The following KLHL8 variants were observed in gnomAD, a reference collection of about 807,000 sequenced individuals.
KLHL8 encodes the protein kelch-like protein 8.
Under a neutral mutation model 63.5 loss-of-function variants are expected in KLHL8, and 38 were observed. That is an observed-to-expected ratio of 0.60 (90% CI 0.46 to 0.78). The LOEUF is 0.78. KLHL8 is among the 30% of genes least tolerant of loss of function. The probability of loss-of-function intolerance (pLI) is 0.00; values close to 1 mark genes in which losing one functional copy is unlikely to be tolerated. For missense variants in KLHL8, 566 were observed against 752.4 expected, an observed-to-expected ratio of 0.75 and a Z score of 2.90; for synonymous variants, 224 against 254.3, an observed-to-expected ratio of 0.88 and a Z score of 1.13.
chr4:87,218,816 C>T (rs1732703012), intron 1 of KLHL8, among the ~76,000 whole-genome samples: 1 of 152,068 alleles, frequency 6.6e-6, no homozygotes, highest in Admixed American at 6.5e-5. Flanking sequence ...TTCACTGCAA[C>T]CTCCGCCTCC....
intron 1 of KLHL8, among the ~76,000 whole-genome samples, chr4:87,215,430 T>C (rs1365097822): frequency 6.6e-6 from 1 of 152,218 alleles, no homozygotes; most frequent in Non-Finnish European, 1.5e-5. Context: ...TTCCCAAATA[T>C]TGGTTTAGAA....
At chr4:87,207,318 G>A in intron 1 of KLHL8, 1 of 608,594 alleles carries the variant, frequency 1.6e-6, no homozygotes, top group South Asian at 1.6e-5. Context: ...CCATCTTCCA[G>A]GAGCGAGATC....
rs1009199111 is a variant in KLHL8, at chr4:87,160,323, G to A, written c.*3196C>T. Reference sequence around the variant, plus strand: ...TGAAGGGGAAAGAGACATAGCCAATGGCATCCCAGTAATAATTTCTTTACA... The same window carrying A: ...TGAAGGGGAAAGAGACATAGCCAATAGCATCCCAGTAATAATTTCTTTACA... On this transcript the variant is annotated 3_prime_UTR_variant, in exon 10 of 10. Coordinates refer to ENST00000273963, the MANE Select transcript of KLHL8 (RefSeq NM_020803.5). 1.3e-5 allele frequency: 2 copies of A among 152,070 alleles called. No homozygotes were observed. The highest frequency in any genetic ancestry group is 2.9e-5 in the Non-Finnish European group (2 of 67,988). The allele number at this position is 152,070 out of a possible 1,614,324, so 9.4% of individuals were successfully genotyped here.
intron 2 of KLHL8, among the ~76,000 whole-genome samples, chr4:87,194,897 C>T (rs1320469020): frequency 6.6e-6 from 1 of 152,176 alleles, no homozygotes; most frequent in Non-Finnish European, 1.5e-5. Flanking sequence ...TAGAGATATA[C>T]AGTAAAACAC....
chr4:87,207,767 T>C, intron 1 of KLHL8: 1 of 863,288 alleles, frequency 1.2e-6, no homozygotes, highest in Non-Finnish European at 2.0e-6. Context: ...AATGGGAAGC[T>C]CACTGGCATG....
intron 8 of KLHL8, among the ~76,000 whole-genome samples, chr4:87,168,745 CGTGTATATATGTGTGT>C (rs1730511221): frequency 7.3e-6 from 1 of 136,674 alleles, no homozygotes; most frequent in African/African-American, 2.8e-5. Context: ...TGTATATATA[CGTGTATATATGTGTGT>C]GTATATATAT....
chr4:87,230,963 T>C (rs543302551), intron 1 of KLHL8, among the ~76,000 whole-genome samples: 3 of 152,322 alleles, frequency 2.0e-5, no homozygotes, highest in East Asian at 3.9e-4. Context: ...AGCATACAAG[T>C]GGAATGTGGA....
intron 1 of KLHL8, among the ~76,000 whole-genome samples, chr4:87,196,803 G>T (rs749282521): frequency 3.3e-5 from 5 of 152,078 alleles, no homozygotes; most frequent in Non-Finnish European, 7.4e-5. Flanking sequence ...TTTTGAGGCT[G>T]TGTAATTTGT....
chr4:87,228,874 C>A (rs1733079076), intron 1 of KLHL8, among the ~76,000 whole-genome samples: 1 of 152,172 alleles, frequency 6.6e-6, no homozygotes, highest in African/African-American at 2.4e-5. Flanking sequence ...TGGTTGCTAC[C>A]AGTCATGAAG....
At chr4:87,202,035 G>A (rs62308861) in intron 1 of KLHL8, among the ~76,000 whole-genome samples, 24,142 of 151,122 alleles carry the variant, frequency 0.16, 2,277 homozygotes, top group South Asian at 0.24. Context: ...GCATGAAATC[G>A]GGAGGCGGAG....
At chr4:87,166,357 C>T (rs940644297) in intron 8 of KLHL8, among the ~76,000 whole-genome samples, 1 of 152,154 alleles carries the variant, frequency 6.6e-6, no homozygotes, top group Non-Finnish European at 1.5e-5. Context: ...GTAACACAAA[C>T]AATTTACATC....
upstream of KLHL8, among the ~76,000 whole-genome samples, chr4:87,221,928 G>C (rs891307454): frequency 1.3e-5 from 2 of 152,064 alleles, no homozygotes; most frequent in Non-Finnish European, 2.9e-5. Context: ...AATGTGTCTG[G>C]AACGTGATGT....
At chr4:87,229,516 C>T (rs538021713) in intron 1 of KLHL8, among the ~76,000 whole-genome samples, 2 of 150,648 alleles carry the variant, frequency 1.3e-5, no homozygotes, top group East Asian at 3.9e-4. Context: ...CTCGCAACCT[C>T]TGCCTCCCGG....
rs774320957 is a variant in KLHL8, at chr4:87,163,932, T to G, written c.1685A>C (p.His562Pro). The change falls in exon 9 of 10, where the codon CAT becomes CCT. Residue 562 changes from histidine (H) to proline (P), a missense_variant. Transcript: ENST00000273963. ...TGTATTTAAGTATGCATTGCCATTA[T>G]GACCACCAACTGCAAAGATTTTGCC... ...VMGKIFAVGGHNGNAYLNTVE... is the reference protein window; with the variant it reads ...VMGKIFAVGGPNGNAYLNTVE... 3 of 1,614,228 alleles carry G rather than the reference T, an allele frequency of 1.9e-6. No individual in the cohort carries two copies. In the South Asian group the frequency reaches 3.3e-5, roughly 18 times the overall value.
chr4:87,183,343 G>A lies in KLHL8; in HGVS notation c.812C>T (p.Ala271Val), dbSNP rs749903229. ...ATTTTGCTTGACAATCTGTTCTTTT[G>A]CCACAACACCCATAAGAAAATCAAC... ...LPVDFLMGVV[A>V]KEQIVKQNLK... Residue 271 changes from alanine to valine, a missense_variant, in exon 4 of 10, where the codon GCA becomes GTA. Transcript: ENST00000273963. 5.0e-6 allele frequency: 8 copies of A among 1,612,222 alleles called. No individual in the cohort carries two copies. Among genetic ancestry groups the A allele is most frequent in the Non-Finnish European group, 6.8e-6 (8 of 1,178,820 alleles).
chr4:87,172,818 G>A (rs1393539211), intron 6 of KLHL8, among the ~76,000 whole-genome samples: 1 of 151,944 alleles, frequency 6.6e-6, no homozygotes, highest in African/African-American at 2.4e-5. Context: ...TTTTCACTCT[G>A]GTCATCCTCA....
Position 87,161,921 on chromosome 4 carries a change from CTTTTT to C in KLHL8, c.*1593_*1597del, listed in dbSNP as rs1049360432. On this transcript the variant is annotated 3_prime_UTR_variant, in exon 10 of 10. Transcript: ENST00000273963. Reference sequence around the variant, plus strand: ...TCTGCCAGCCTGACCCCTCTTAAAACTTTTTTTTTTCTTTTTTGGTTTGATATACT... The same window carrying C: ...TCTGCCAGCCTGACCCCTCTTAAAACTTTTTCTTTTTTGGTTTGATATACT... 6.6e-6 allele frequency: 1 copy of C among 150,412 alleles called. No homozygotes were observed. Among genetic ancestry groups the C allele is most frequent in the Non-Finnish European group, 1.5e-5 (1 of 67,560 alleles). The allele number at this position is 150,412 out of a possible 1,614,324, so 9.3% of individuals were successfully genotyped here.
chr4:87,173,725 T>A (rs1400546791), intron 6 of KLHL8, among the ~76,000 whole-genome samples: 3 of 152,232 alleles, frequency 2.0e-5, no homozygotes, highest in Non-Finnish European at 4.4e-5. Flanking sequence ...TAGAGAAGTT[T>A]CATTCAATCT....
At chr4:87,214,557 GAGGCCC>G (rs1180458165) in intron 1 of KLHL8, among the ~76,000 whole-genome samples, 1 of 150,654 alleles carries the variant, frequency 6.6e-6, no homozygotes, top group African/African-American at 2.4e-5. Flanking sequence ...TTTGGATAAT[GAGGCCC>G]AGAGAAGTTA....
Sources: allele counts gnomAD v4.1 joint callset (sites outside exome capture counted in the v4.1 genomes callset), GRCh38; gene constraint gnomAD v4.1.1; transcripts MANE v1.5; gene names NCBI Gene and HGNC (gene_info 2026-07-23, HGNC 2026-07-21).